Variants in CYFIP1 observed in about 807,000 individuals in gnomAD.
CYFIP1 encodes the protein cytoplasmic FMR1-interacting protein 1.
CYFIP1 carries 58 observed loss-of-function variants against 163.5 expected under a neutral mutation model. That is an observed-to-expected ratio of 0.35 (90% CI 0.29 to 0.44). CYFIP1 has a LOEUF of 0.44. Among genes scored for constraint, CYFIP1 ranks in the 20% least tolerant of loss-of-function variants. The pLI is 1.00. For synonymous variants in CYFIP1, 663 were observed against 660.7 expected (o/e 1.00, Z -0.05); for missense variants, 1,338 against 1,653.8 (o/e 0.81, Z 3.31).
rs1387922112 is a variant in CYFIP1 at position 22,879,902 on chromosome 15, G to T, written c.3042+11C>A. 6.2e-7 allele frequency: 1 copy of T among 1,608,040 alleles called. No homozygotes were observed. The highest frequency in any genetic ancestry group is 1.3e-5 in the African/African-American group (1 of 74,784). ...TGGGGCGGGGAGGGGCGGCGTTGGG[G>T]GGCCACTCACCAGGCTCTGCTCGAT... On this transcript the variant is annotated intron_variant, in intron 26 of 30. Coordinates refer to ENST00000617928, the MANE Select transcript of CYFIP1 (RefSeq NM_014608.6).
Position 22,947,231 on chromosome 15 carries a change from C to G in CYFIP1, c.55G>C (p.Glu19Gln), listed in dbSNP as rs1162629003. The change falls in exon 2 of 31, where the codon GAG (glutamate) becomes CAG (glutamine). Residue 19 changes from glutamate to glutamine, a missense_variant. Coordinates refer to ENST00000617928, the MANE Select transcript of CYFIP1 (RefSeq NM_014608.6). ...DALSNVDLLEELPLPDQQPCI... is the reference protein window; with the variant it reads ...DALSNVDLLEQLPLPDQQPCI... ...GGCTGCTGGTCGGGCAGGGGCAGCT[C>G]CTCCAGGAGGTCCACGTTGGACAGC... The G allele has an allele frequency of 6.2e-7, 1 of 1,613,982 alleles. No individual in the cohort carries two copies. Among genetic ancestry groups the G allele is most frequent in the South Asian group, 1.1e-5 (1 of 91,076 alleles).
In CYFIP1 at chr15:22,882,875, T is replaced by C. The variant is rs2059807244; in HGVS notation, c.2813A>G (p.Lys938Arg). 6.2e-7 allele frequency: 1 copy of C among 1,613,362 alleles called. No individual in the cohort carries two copies. Residue 938 changes from lysine (K) to arginine (R), a missense_variant, in exon 24 of 31, where the codon AAG becomes AGG. Around this residue, in one of 4 missense-constraint regions of CYFIP1, gnomAD observed 824 missense variants for 995.7 expected, o/e 0.83. Transcript: ENST00000617928. ...TGTCCAGGGAACACTCACCAGGCTC[T>C]TGACGACCTTCAGCAGCTCCTCCAT... ...VVMEELLKVVKSLLQGTILQY... is the reference protein window; with the variant it reads ...VVMEELLKVVRSLLQGTILQY...
At chr15:22,925,270 C>T (rs1273661120) in intron 13 of CYFIP1, among the ~76,000 whole-genome samples, 1 of 152,080 alleles carries the variant, frequency 6.6e-6, no homozygotes, top group Non-Finnish European at 1.5e-5. Context: ...CCAAGGAAGT[C>T]TAGGAGACAG....
At chr15:22,888,934 G>A (rs1195552768) in intron 23 of CYFIP1, among the ~76,000 whole-genome samples, 3 of 151,776 alleles carry the variant, frequency 2.0e-5, no homozygotes, top group South Asian at 2.1e-4. Context: ...CCAGCTACTC[G>A]GGAGGCTGAG....
intron 22 of CYFIP1, among the ~76,000 whole-genome samples, chr15:22,900,437 C>T (rs534598262): frequency 2.9e-4 from 42 of 147,278 alleles, no homozygotes; most frequent in Non-Finnish European, 4.9e-4. Context: ...CTCACTCTGT[C>T]GCCCAGGGTG....
intron 1 of CYFIP1, among the ~76,000 whole-genome samples, chr15:22,950,960 T>C (rs2062229725): frequency 6.6e-6 from 1 of 152,264 alleles, no homozygotes; most frequent in Admixed American, 6.5e-5. Context: ...ACTGTTCTAT[T>C]ATTATTGTAA....
At chr15:22,882,809 G>C (rs2059804698) in intron 24 of CYFIP1, 59 bp downstream of exon 24, 13 of 1,574,578 alleles carry the variant, frequency 8.3e-6, no homozygotes, top group Non-Finnish European at 1.1e-5. Flanking sequence ...AGACCCTCTG[G>C]CATGGGTGCC....
chr15:22,897,543 G>A (rs72698067), intron 22 of CYFIP1, among the ~76,000 whole-genome samples: 11,543 of 151,666 alleles, frequency 0.076, 521 homozygotes, highest in East Asian at 0.14. Context: ...GAGTGCAGTC[G>A]CGCATTCTTG....
chr15:22,904,235 C>T, intron 21 of CYFIP1: 1 of 379,026 alleles, frequency 2.6e-6, no homozygotes, highest in South Asian at 2.9e-5. Context: ...CCCTGCCCTG[C>T]AGTATAACCC....
chr15:22,934,316 A>G (rs747530162), intron 9 of CYFIP1, among the ~76,000 whole-genome samples: 4 of 149,116 alleles, frequency 2.7e-5, no homozygotes, highest in Non-Finnish European at 5.9e-5. Context: ...GCTCCCGAGT[A>G]GCTGGGACTA....
upstream of CYFIP1, among the ~76,000 whole-genome samples, chr15:22,980,639 C>T (rs1473893821): frequency 6.6e-6 from 1 of 152,032 alleles, no homozygotes; most frequent in Non-Finnish European, 1.5e-5. Flanking sequence ...GGTCCTCCTG[C>T]GGGTCCGTCC....
At chr15:22,977,865 G>T (rs1346592418) in intron 1 of CYFIP1, among the ~76,000 whole-genome samples, 5 of 151,860 alleles carry the variant, frequency 3.3e-5, no homozygotes, top group African/African-American at 1.2e-4. Flanking sequence ...TAACATAAAA[G>T]AAAAGAAAAC....
chr15:22,940,302 T>C (rs956416835), intron 6 of CYFIP1, among the ~76,000 whole-genome samples: 5 of 152,214 alleles, frequency 3.3e-5, no homozygotes, highest in Non-Finnish European at 7.3e-5. Context: ...GAGCCCTGCA[T>C]TTCTGTGGAA....
In CYFIP1 at chr15:22,882,902, A is replaced by G. The variant is rs1210634045; in HGVS notation, c.2786T>C (p.Val929Ala). 1 of 1,613,922 alleles carries G rather than the reference A, an allele frequency of 6.2e-7. No homozygotes were observed. The highest frequency in any genetic ancestry group is 1.7e-5 in the Admixed American group (1 of 60,008). ...RLLGYQGIAV[V>A]MEELLKVVKS... ...GACGACCTTCAGCAGCTCCTCCATG[A>G]CCACGGCGATACCCTGGTAGCCGAG... The change falls in exon 24 of 31, where the codon GTC (valine) becomes GCC (alanine). Residue 929 changes from valine (V) to alanine (A), a missense_variant. Val to Ala is a moderately conservative substitution (Grantham distance 64). Transcript: ENST00000617928.
At chr15:22,909,114 T>C in intron 21 of CYFIP1, 80 bp downstream of exon 21, 3 of 1,571,902 alleles carry the variant, frequency 1.9e-6, no homozygotes, top group Non-Finnish European at 1.7e-6. Context: ...GCCCGATGAG[T>C]GCATCTCTTT....
intron 23 of CYFIP1, among the ~76,000 whole-genome samples, chr15:22,884,418 T>C (rs1170869876): frequency 2.0e-5 from 3 of 152,190 alleles, no homozygotes; most frequent in Non-Finnish European, 2.9e-5. Flanking sequence ...AAGCCCAAAG[T>C]CCAGTGGGGC....
chr15:22,909,798 T>C lies in CYFIP1; in HGVS notation c.2269-485A>G, dbSNP rs144494621. Among the ~76,000 whole-genome samples the C allele has an allele frequency of 1.8e-3, 269 of 152,330 alleles. 2 individuals are homozygous for C. The highest frequency in any genetic ancestry group is 6.1e-3 in the African/African-American group (255 of 41,574). ...TTATGGGGTACATGAGATGTTTTAA[T>C]ACAGGCATGCAATGTGAATCTTTTT... On this transcript the variant is annotated intron_variant, in intron 20 of 30. Coordinates refer to ENST00000617928, the MANE Select transcript of CYFIP1 (RefSeq NM_014608.6).
chr15:22,872,987 C>G lies in CYFIP1; in HGVS notation c.3450-15G>C, dbSNP rs770825350. 5 of 1,612,660 alleles carry G rather than the reference C, an allele frequency of 3.1e-6. No individual in the cohort carries two copies. Among genetic ancestry groups the G allele is most frequent in the Non-Finnish European group, 4.2e-6 (5 of 1,179,324 alleles). The stretch of plus-strand genomic sequence containing the variant: ...CAAAGCACTGCCTAGGAACAAGAAG[C>G]AGAAACAGAATGGGAGATGAGTGAT... On this transcript the variant is annotated splice_polypyrimidine_tract_variant and intron_variant, in intron 29 of 30. Coordinates refer to ENST00000617928, the MANE Select transcript of CYFIP1 (RefSeq NM_014608.6).
At position 22,904,435 on chromosome 15, in the gene CYFIP1, A is replaced by G. The variant is rs544909660; in HGVS notation, c.2389-530T>C. ...CCGATGTGGCAGCCGGGGCCGGAGC[A>G]CAGCTGCTCCCACCTGAGGCGCACT... On this transcript the variant is annotated intron_variant, in intron 21 of 30. Coordinates refer to ENST00000617928, the MANE Select transcript of CYFIP1 (RefSeq NM_014608.6). 1.9e-3 allele frequency: 328 copies of G among 173,868 alleles called. 1 individual carries two copies. Among genetic ancestry groups the G allele is most frequent in the African/African-American group, 7.5e-3 (316 of 42,128 alleles). The allele number at this position is 173,868 out of a possible 1,614,324, so 10.8% of individuals were successfully genotyped here.
Sources: allele counts gnomAD v4.1 joint callset (sites outside exome capture counted in the v4.1 genomes callset), GRCh38; gene constraint gnomAD v4.1.1; regional missense constraint gnomAD v4.1.1; transcripts MANE v1.5; gene names NCBI Gene and HGNC (gene_info 2026-07-23, HGNC 2026-07-21).